EVI5: variants seen among roughly 807,000 people sequenced by gnomAD.
The protein encoded by EVI5 is ecotropic viral integration site 5 protein homolog.
A neutral mutation model predicts 112.0 loss-of-function variants in EVI5; 73 were observed. That is an observed-to-expected ratio of 0.65 (90% confidence interval 0.54 to 0.79). The LOEUF (loss-of-function observed/expected upper bound fraction) is 0.79. Ranked by LOEUF, EVI5 falls within the 30% of genes least tolerant of loss-of-function variation. The pLI, the probability that EVI5 is intolerant of heterozygous loss-of-function variation, is 0.00. For synonymous variants in EVI5, 305 were observed against 319.9 expected (o/e 0.95, Z 0.50); for missense variants, 900 against 968.8 (o/e 0.93, Z 0.94).
intron 14 of EVI5, among the ~76,000 whole-genome samples, chr1:92,631,699 C>G (rs888374815): frequency 6.6e-6 from 1 of 152,118 alleles, no homozygotes; most frequent in African/African-American, 2.4e-5. Context: ...TTGCCCTGGC[C>G]AGAACTTCCA....
intron 13 of EVI5, among the ~76,000 whole-genome samples, chr1:92,656,355 G>C (rs1662992151): frequency 1.3e-5 from 2 of 151,938 alleles, no homozygotes; most frequent in South Asian, 2.1e-4. Context: ...AATGAACATG[G>C]AGACACAACA....
chr1:92,789,493 G>A (rs181634412), upstream of EVI5, among the ~76,000 whole-genome samples: 435 of 152,082 alleles, frequency 2.9e-3, 3 homozygotes, highest in African/African-American at 9.6e-3. Context: ...TAGTAGAAAC[G>A]GGGTTTCACC....
intron 18 of EVI5, among the ~76,000 whole-genome samples, chr1:92,568,282 GGGC>G (rs1669793846): frequency 6.6e-6 from 1 of 151,314 alleles, no homozygotes; most frequent in Admixed American, 6.6e-5. Context: ...AGGGTAAGGC[GGGC>G]GGATTGCTTG....
At chr1:92,675,707 A>G (rs2102304822) in intron 10 of EVI5, among the ~76,000 whole-genome samples, 1 of 152,310 alleles carries the variant, frequency 6.6e-6, no homozygotes, top group East Asian at 1.9e-4. Flanking sequence ...CTGTAATCCT[A>G]GCACTTTGGG....
intron 13 of EVI5, among the ~76,000 whole-genome samples, chr1:92,642,947 G>T (rs1241849193): frequency 2.6e-5 from 4 of 152,220 alleles, no homozygotes; most frequent in African/African-American, 9.6e-5. Context: ...ACCAAGAACA[G>T]CTGGATAAAA....
intron 1 of EVI5, among the ~76,000 whole-genome samples, chr1:92,743,550 C>A (rs1678773872): frequency 6.6e-6 from 1 of 151,734 alleles, no homozygotes; most frequent in Non-Finnish European, 1.5e-5. Context: ...GATTAGTGGC[C>A]ACAGAGTTTC....
intron 19 of EVI5, among the ~76,000 whole-genome samples, chr1:92,546,569 G>C (rs532671712): frequency 5.3e-5 from 8 of 152,034 alleles, no homozygotes; most frequent in Non-Finnish European, 1.2e-4. Flanking sequence ...GGTGGCACAC[G>C]CATGTAATAC....
intron 2 of EVI5, among the ~76,000 whole-genome samples, chr1:92,724,880 C>T (rs1385081615): frequency 3.3e-5 from 5 of 152,160 alleles, no homozygotes; most frequent in South Asian, 4.2e-4. Context: ...TCCTGAGACT[C>T]GGGACATAAG....
chr1:92,649,560 A>C (rs891089750), intron 13 of EVI5, among the ~76,000 whole-genome samples: 1 of 152,172 alleles, frequency 6.6e-6, no homozygotes, highest in Non-Finnish European at 1.5e-5. Context: ...TTATGCTTGT[A>C]ATCTCAGCAC....
intron 2 of EVI5, among the ~76,000 whole-genome samples, chr1:92,727,675 T>G (rs1675781919): frequency 6.6e-6 from 1 of 152,160 alleles, no homozygotes; most frequent in Non-Finnish European, 1.5e-5. Flanking sequence ...ATTGTCAGAT[T>G]GTATTTTTAA....
chr1:92,535,460 CAT>C (rs900295206), intron 19 of EVI5, among the ~76,000 whole-genome samples: 60 of 152,210 alleles, frequency 3.9e-4, no homozygotes, highest in African/African-American at 8.9e-4. Flanking sequence ...CATGCACACA[CAT>C]GTTTACTGCG....
intron 19 of EVI5, among the ~76,000 whole-genome samples, chr1:92,553,155 G>A (rs1466613621): frequency 6.6e-6 from 1 of 151,924 alleles, no homozygotes; most frequent in East Asian, 1.9e-4. Flanking sequence ...TTTTGAGACA[G>A]GGTTTCGCTC....
chr1:92,574,764 T>A (rs1056336404), intron 18 of EVI5, among the ~76,000 whole-genome samples: 1 of 152,198 alleles, frequency 6.6e-6, no homozygotes, highest in Non-Finnish European at 1.5e-5. Flanking sequence ...GGGAACATTT[T>A]AAAACATACA....
At chr1:92,790,512 GT>G (rs566840380) in intron 1 of EVI5, among the ~76,000 whole-genome samples, 6,526 of 140,822 alleles carry the variant, frequency 0.046, 412 homozygotes, top group African/African-American at 0.14. Flanking sequence ...TTCAAAACTG[GT>G]TTTTTTTTTT....
In EVI5 at chr1:92,510,199, T is replaced by C. The variant is rs1286313401; in HGVS notation, c.*3457A>G. 1 of 152,240 alleles carries C rather than the reference T, an allele frequency of 6.6e-6. No homozygotes were observed. Among genetic ancestry groups the C allele is most frequent in the Non-Finnish European group, 1.5e-5 (1 of 68,032 alleles). The allele number at this position is 152,240 out of a possible 1,614,324, so 9.4% of individuals were successfully genotyped here. A position where few individuals can be genotyped will look rare whatever the true frequency, so the allele number is the denominator to read the frequency against. On this transcript the variant is annotated 3_prime_UTR_variant, in exon 20 of 20. Coordinates refer to ENST00000684568, the MANE Select transcript of EVI5 (RefSeq NM_001350197.2). ...ACACCTAATTCCTAATCAGAAATGG[T>C]ACTTAAGAATATCAACGTTTAGAAT...
At chr1:92,575,479 C>T (rs1285619026) in intron 18 of EVI5, among the ~76,000 whole-genome samples, 1 of 151,368 alleles carries the variant, frequency 6.6e-6, no homozygotes, top group Admixed American at 6.6e-5. Context: ...TTATAACTGC[C>T]CATAATCAAA....
chr1:92,790,050 G>T (rs1685974004), upstream of EVI5, among the ~76,000 whole-genome samples: 1 of 152,116 alleles, frequency 6.6e-6, no homozygotes, highest in Non-Finnish European at 1.5e-5. Flanking sequence ...GGTGGCTCAT[G>T]CCTGTAATCC....
At chr1:92,623,146 A>G (rs1654942422) in intron 16 of EVI5, among the ~76,000 whole-genome samples, 1 of 152,188 alleles carries the variant, frequency 6.6e-6, no homozygotes, top group African/African-American at 2.4e-5. Flanking sequence ...CCATTGTAAA[A>G]CTTAAGATTT....
intron 1 of EVI5, among the ~76,000 whole-genome samples, chr1:92,754,735 T>C (rs1281448301): frequency 2.0e-5 from 3 of 152,242 alleles, no homozygotes; most frequent in African/African-American, 7.2e-5. Context: ...AATGCTTACA[T>C]GATTTAGCTT....
Sources: gnomAD v4.1 joint callset for allele counts (sites outside exome capture counted in the v4.1 genomes callset) on GRCh38, gnomAD v4.1.1 for gene constraint, MANE v1.5 for transcripts, NCBI Gene and HGNC (gene_info 2026-07-23, HGNC 2026-07-21) for gene names.